The following COX10 variants were observed in gnomAD, a reference collection of about 807,000 sequenced individuals.
COX10 encodes protoheme IX farnesyltransferase, mitochondrial.
Under a neutral mutation model 37.3 loss-of-function variants are expected in COX10, and 27 were observed. The observed-to-expected ratio is 0.72, with a 90% confidence interval of 0.53 to 1.00. The LOEUF (loss-of-function observed/expected upper bound fraction) is 1.00. Among genes scored for constraint, COX10 ranks in the 50% least tolerant of loss-of-function variants. COX10 has a pLI of 0.00. For synonymous variants in COX10, 222 were observed against 229.1 expected (o/e 0.97, Z 0.28); for missense variants, 475 against 563.2 (o/e 0.84, Z 1.59).
intron 4 of COX10, among the ~76,000 whole-genome samples, chr17:14,149,134 A>C (rs1904818029): frequency 6.6e-6 from 1 of 151,596 alleles, no homozygotes; most frequent in Non-Finnish European, 1.5e-5. Context: ...CATGCCCTAG[A>C]TTTTTGTCAT....
intron 6 of COX10, among the ~76,000 whole-genome samples, chr17:14,203,748 G>C (rs1289223932): frequency 6.6e-6 from 1 of 152,178 alleles, no homozygotes; most frequent in Non-Finnish European, 1.5e-5. Flanking sequence ...AAAGTGCTCT[G>C]TCTCCTGGTG....
intron 2 of COX10, among the ~76,000 whole-genome samples, 168 bp downstream of exon 2, chr17:14,074,624 G>A (rs146895519): frequency 6.6e-5 from 10 of 152,020 alleles, no homozygotes; most frequent in Non-Finnish European, 1.3e-4. Flanking sequence ...ATTCTTAACC[G>A]AAACCAGAAT....
At chr17:14,104,464 G>T (rs182162236) in intron 4 of COX10, among the ~76,000 whole-genome samples, 345 of 152,138 alleles carry the variant, frequency 2.3e-3, no homozygotes, top group African/African-American at 8.1e-3. Context: ...TATAAATAAA[G>T]AAATAGTCCT....
chr17:14,108,784 T>C (rs1380504299), intron 4 of COX10, among the ~76,000 whole-genome samples: 3 of 152,176 alleles, frequency 2.0e-5, no homozygotes, highest in Non-Finnish European at 2.9e-5. Flanking sequence ...AAAGATTTTT[T>C]TGTTTTCCCA....
intron 5 of COX10, among the ~76,000 whole-genome samples, chr17:14,191,610 G>A (rs1906202656): frequency 6.6e-6 from 1 of 152,182 alleles, no homozygotes; most frequent in Admixed American, 6.5e-5. Flanking sequence ...TGTGCAGGAG[G>A]CATTGTCTCA....
At chr17:14,075,570 A>G (rs75797755) in intron 2 of COX10, among the ~76,000 whole-genome samples, 9,685 of 152,264 alleles carry the variant, frequency 0.064, 407 homozygotes, top group East Asian at 0.11. Flanking sequence ...AGAAGATTAA[A>G]TGAGATATAT....
At chr17:14,085,446 A>G (rs966855327) in intron 3 of COX10, among the ~76,000 whole-genome samples, 1 of 152,084 alleles carries the variant, frequency 6.6e-6, no homozygotes, top group Admixed American at 6.5e-5. Flanking sequence ...AGTTTATTGA[A>G]CCATTTCCTT....
chr17:14,132,018 C>A (rs1303557768), intron 4 of COX10, among the ~76,000 whole-genome samples: 1 of 151,926 alleles, frequency 6.6e-6, no homozygotes, highest in East Asian at 1.9e-4. Flanking sequence ...TATATATCTT[C>A]CTTTAAAAAT....
intron 4 of COX10, among the ~76,000 whole-genome samples, chr17:14,124,179 G>T (rs2142214755): frequency 6.6e-6 from 1 of 152,278 alleles, no homozygotes; most frequent in South Asian, 2.1e-4. Context: ...ATTGCAGGGT[G>T]ACCACTCTGT....
chr17:14,206,852 C>G lies in COX10; in HGVS notation c.971C>G (p.Pro324Arg). The G allele has an allele frequency of 1.2e-6, 2 of 1,614,196 alleles. No individual in the cohort carries two copies. Among genetic ancestry groups the G allele is most frequent in the Non-Finnish European group, 1.7e-6 (2 of 1,180,030 alleles). Reference sequence around the variant, plus strand: ...GGAATCCTCTACTCCTGGCAGTTTCCTCATTTCAACGCCCTGAGCTGGGGC... The same window carrying G: ...GGAATCCTCTACTCCTGGCAGTTTCGTCATTTCAACGCCCTGAGCTGGGGC... ...LGGILYSWQF[P>R]HFNALSWGLR... The change falls in exon 7 of 7, where the codon CCT (proline) becomes CGT (arginine). Residue 324 changes from proline (P) to arginine (R), a missense_variant. Coordinates refer to ENST00000261643, the MANE Select transcript of COX10 (RefSeq NM_001303.4).
chr17:14,093,736 C>T (rs547529667), intron 3 of COX10, among the ~76,000 whole-genome samples: 22 of 152,158 alleles, frequency 1.4e-4, no homozygotes, highest in African/African-American at 4.8e-4. Flanking sequence ...GAGGAAGAAG[C>T]GTCATCATGG....
intron 4 of COX10, among the ~76,000 whole-genome samples, chr17:14,128,359 T>C (rs1916390448): frequency 6.6e-6 from 1 of 152,140 alleles, no homozygotes. Context: ...AATGCTTATT[T>C]GACAAGAAGC....
intron 5 of COX10, among the ~76,000 whole-genome samples, chr17:14,185,477 ACT>A (rs1905996901): frequency 6.6e-6 from 1 of 151,150 alleles, no homozygotes; most frequent in Non-Finnish European, 1.5e-5. Flanking sequence ...AAAAATGAAC[ACT>A]CTTTTCTAAC....
intron 3 of COX10, among the ~76,000 whole-genome samples, chr17:14,081,840 A>G (rs1008598542): frequency 2.0e-5 from 3 of 152,210 alleles, no homozygotes; most frequent in Non-Finnish European, 2.9e-5. Flanking sequence ...TCTAGACACA[A>G]TTACGGGCTT....
intron 1 of COX10, among the ~76,000 whole-genome samples, chr17:14,073,796 G>C (rs954690225): frequency 2.6e-5 from 4 of 152,144 alleles, no homozygotes; most frequent in African/African-American, 7.2e-5. Context: ...AGAAGTTTCA[G>C]TAGAATGACT....
chr17:14,099,004 C>T (rs1296346876), intron 3 of COX10, among the ~76,000 whole-genome samples: 19 of 152,130 alleles, frequency 1.2e-4, no homozygotes, highest in Non-Finnish European at 2.4e-4. Flanking sequence ...CTCCCCACCT[C>T]AGCCATGCTA....
intron 3 of COX10, 149 bp from the exon 4 acceptor site, chr17:14,101,969 T>C: frequency 7.5e-6 from 7 of 934,020 alleles, no homozygotes; most frequent in South Asian, 1.5e-5. Context: ...AAAATGTGGA[T>C]CTTTTTTAAG....
intron 5 of COX10, chr17:14,182,381 T>G: frequency 9.0e-6 from 8 of 889,162 alleles, no homozygotes; most frequent in Non-Finnish European, 1.1e-5. Context: ...TCTTCTTATA[T>G]TCTTCGCATT....
chr17:14,080,272 G>A (rs1915260365), intron 3 of COX10, among the ~76,000 whole-genome samples: 1 of 134,822 alleles, frequency 7.4e-6, no homozygotes, highest in Non-Finnish European at 1.5e-5. Flanking sequence ...CACCCAGGCT[G>A]GAGTCCAGTG....
Sources: gnomAD v4.1 joint callset for allele counts (sites outside exome capture counted in the v4.1 genomes callset) on GRCh38, gnomAD v4.1.1 for gene constraint, MANE v1.5 for transcripts, NCBI Gene and HGNC (gene_info 2026-07-23, HGNC 2026-07-21) for gene names.